The following DOK6 variants were observed in gnomAD, a reference collection of about 807,000 sequenced individuals.
DOK6 encodes the protein downstream of tyrosine kinase 6.
DOK6 carries 22 observed loss-of-function variants against 44.0 expected under a neutral mutation model. That is an observed-to-expected ratio of 0.50 (90% confidence interval 0.36 to 0.71). The LOEUF (loss-of-function observed/expected upper bound fraction) is 0.71. Ranked by LOEUF, DOK6 falls within the 30% of genes least tolerant of loss-of-function variation. DOK6 has a pLI of 0.00. For synonymous variants in DOK6, 166 were observed against 145.5 expected (o/e 1.14, Z -1.01); for missense variants, 340 against 416.4 (o/e 0.82, Z 1.60).
At chr18:69,684,880 G>C (rs1986117519) in intron 4 of DOK6, among the ~76,000 whole-genome samples, 1 of 152,104 alleles carries the variant, frequency 6.6e-6, no homozygotes, top group South Asian at 2.1e-4. Context: ...TTACAGGCTG[G>C]ACCCCAGATA....
chr18:69,557,347 G>A (rs980356403), intron 1 of DOK6, among the ~76,000 whole-genome samples: 6 of 152,118 alleles, frequency 3.9e-5, no homozygotes, highest in Non-Finnish European at 8.8e-5. Flanking sequence ...GGTTAAGGCA[G>A]AGCTTGTGAA....
intron 1 of DOK6, among the ~76,000 whole-genome samples, chr18:69,559,016 T>A (rs2144593840): frequency 6.6e-6 from 1 of 152,296 alleles, no homozygotes; most frequent in Non-Finnish European, 1.5e-5. Flanking sequence ...GGCTTCAACT[T>A]GGTAAACAGT....
chr18:69,520,480 A>G (rs953788644), intron 1 of DOK6, among the ~76,000 whole-genome samples: 1 of 151,878 alleles, frequency 6.6e-6, no homozygotes, highest in Non-Finnish European at 1.5e-5. Context: ...TTTGGAATAC[A>G]GGTAGAGCAT....
chr18:69,561,856 G>A lies in DOK6; in HGVS notation c.67-2631G>A, dbSNP rs563726906. On this transcript the variant is annotated intron_variant, in intron 1 of 7. Transcript: ENST00000382713. ...AATGCCTTTTAACATGGAAAAGACT[G>A]TCTTCTAGTGAATAATAAGCAATGC... 2.6e-5 allele frequency among the ~76,000 whole-genome samples: 4 copies of A among 152,242 alleles called. No homozygotes were observed. The East Asian group carries it at 7.7e-4, about 29-fold the overall frequency.
At chr18:69,685,366 G>C (rs1029441616) in intron 4 of DOK6, among the ~76,000 whole-genome samples, 1 of 152,190 alleles carries the variant, frequency 6.6e-6, no homozygotes. Context: ...GCCTTGGTCA[G>C]ATTAGTGAAA....
chr18:69,473,854 G>A (rs2122492750), intron 1 of DOK6, among the ~76,000 whole-genome samples: 1 of 152,306 alleles, frequency 6.6e-6, no homozygotes, highest in East Asian at 1.9e-4. Context: ...AGCAGGATAT[G>A]TTCCTTCTGT....
At position 69,757,755 on chromosome 18, in the gene DOK6, G is replaced by A. The variant is rs765348624; in HGVS notation, c.739-1G>A. ...CTAAAACACATTCTTTTCTCTTTTAGCTTCAGACAAGCTTGACTGAACCAA... is the reference window on the plus strand; with the variant it reads ...CTAAAACACATTCTTTTCTCTTTTAACTTCAGACAAGCTTGACTGAACCAA... On this transcript the variant is annotated splice_acceptor_variant, in intron 6 of 7. Coordinates refer to ENST00000382713, the MANE Select transcript of DOK6 (RefSeq NM_152721.6). LOFTEE classifies it high-confidence loss of function. 1 of 1,613,466 alleles carries A rather than the reference G, an allele frequency of 6.2e-7. No individual in the cohort carries two copies. Among genetic ancestry groups the A allele is most frequent in the South Asian group, 1.1e-5 (1 of 91,062 alleles).
intron 1 of DOK6, among the ~76,000 whole-genome samples, chr18:69,446,697 T>C (rs1441748314): frequency 6.6e-6 from 1 of 152,208 alleles, no homozygotes; most frequent in Non-Finnish European, 1.5e-5. Flanking sequence ...TTCCTGTTTC[T>C]CCACATCTTC....
chr18:69,555,255 A>G (rs1402163711), intron 1 of DOK6, among the ~76,000 whole-genome samples: 2 of 152,200 alleles, frequency 1.3e-5, no homozygotes, highest in Admixed American at 1.3e-4. Flanking sequence ...CATGAATATT[A>G]AGGATCCACC....
chr18:69,632,153 G>A (rs931013916), intron 3 of DOK6, among the ~76,000 whole-genome samples: 13 of 152,032 alleles, frequency 8.6e-5, no homozygotes, highest in Non-Finnish European at 1.5e-5. Context: ...TAAAAACTTG[G>A]TACATACTTT....
intron 1 of DOK6, among the ~76,000 whole-genome samples, chr18:69,447,189 T>C (rs962411250): frequency 6.6e-6 from 1 of 152,244 alleles, no homozygotes; most frequent in Admixed American, 6.5e-5. Context: ...TGGTTTTAGG[T>C]CTAACATTTA....
intron 5 of DOK6, among the ~76,000 whole-genome samples, chr18:69,699,721 T>C (rs1438057278): frequency 1.3e-5 from 2 of 152,220 alleles, no homozygotes; most frequent in Non-Finnish European, 2.9e-5. Context: ...ATTTTTAAGA[T>C]ATGTTTACTA....
chr18:69,622,580 G>C (rs768939221), intron 3 of DOK6, among the ~76,000 whole-genome samples: 28 of 152,152 alleles, frequency 1.8e-4, no homozygotes, highest in Admixed American at 5.2e-4. Flanking sequence ...GCTGTGGTTT[G>C]CTAAATTGTA....
chr18:69,673,389 T>C (rs1362363218), intron 3 of DOK6, among the ~76,000 whole-genome samples: 4 of 152,198 alleles, frequency 2.6e-5, no homozygotes, highest in Admixed American at 6.5e-5. Flanking sequence ...TTAAAGGTCT[T>C]CTATTTAAAT....
intron 7 of DOK6, among the ~76,000 whole-genome samples, chr18:69,816,850 A>G (rs1474280665): frequency 6.6e-6 from 1 of 152,208 alleles, no homozygotes; most frequent in Non-Finnish European, 1.5e-5. Flanking sequence ...GGTCAAAACC[A>G]TAGCAAATTT....
At chr18:69,724,732 C>G (rs947752178) in intron 5 of DOK6, 1 of 152,196 alleles carries the variant, frequency 6.6e-6, no homozygotes, top group Admixed American at 6.5e-5. Flanking sequence ...CTCATTCTGT[C>G]TTCTCCCCCA....
At chr18:69,746,102 A>G (rs1978976068) in intron 6 of DOK6, among the ~76,000 whole-genome samples, 1 of 151,882 alleles carries the variant, frequency 6.6e-6, no homozygotes, top group South Asian at 2.1e-4. Flanking sequence ...AGAAATAGAG[A>G]TAATAGAGAG....
chr18:69,736,649 C>G (rs537112077), intron 5 of DOK6, among the ~76,000 whole-genome samples: 35 of 152,302 alleles, frequency 2.3e-4, no homozygotes, highest in African/African-American at 7.9e-4. Context: ...GGGGGTTCAA[C>G]TGTAACACCT....
At chr18:69,455,169 A>T (rs866170221) in intron 1 of DOK6, among the ~76,000 whole-genome samples, 1 of 141,296 alleles carries the variant, frequency 7.1e-6, no homozygotes, top group African/African-American at 2.6e-5. Context: ...AAAAAAAAAA[A>T]AAAAAGAAAA....
Sources: gnomAD v4.1 joint callset for allele counts (sites outside exome capture counted in the v4.1 genomes callset) on GRCh38, gnomAD v4.1.1 for gene constraint, MANE v1.5 for transcripts, NCBI Gene and HGNC (gene_info 2026-07-23, HGNC 2026-07-21) for gene names.